BBS9: variants seen among roughly 807,000 people sequenced by gnomAD.
BBS9 encodes the protein protein PTHB1.
BBS9 carries 89 observed loss-of-function variants against 117.7 expected under a neutral mutation model. The observed-to-expected ratio is 0.76, with a 90% CI of 0.64 to 0.90. The LOEUF is 0.90. Among genes scored for constraint, BBS9 ranks in the 40% least tolerant of loss-of-function variants. The pLI, the probability that BBS9 is intolerant of heterozygous loss-of-function variation, is 0.00. For missense variants in BBS9, 982 were observed against 1,042.2 expected (o/e 0.94, Z 0.80); for synonymous variants, 379 against 370.9 (o/e 1.02, Z -0.25).
chr7:33,631,992 G>A (rs1341186584), intron 21 of BBS9, among the ~76,000 whole-genome samples: 3 of 152,164 alleles, frequency 2.0e-5, no homozygotes, highest in African/African-American at 7.2e-5. Flanking sequence ...TCACAGAAAG[G>A]TATTGTATTT....
intron 19 of BBS9, among the ~76,000 whole-genome samples, chr7:33,432,141 GTGGTGCGATCTCGTCTCACTGCAA>G (rs1194158477): frequency 5.3e-5 from 8 of 149,652 alleles, no homozygotes; most frequent in African/African-American, 2.0e-4. Context: ...CTGGAGTGCA[GTGGTGCGATCTCGTCTCACTGCAA>G]TGGTGCGATC....
chr7:33,341,796 T>C (rs1322957301), intron 11 of BBS9, among the ~76,000 whole-genome samples: 4 of 152,128 alleles, frequency 2.6e-5, no homozygotes, highest in Non-Finnish European at 5.9e-5. Flanking sequence ...ATAGAAAGGA[T>C]GAAAGGAGGA....
rs113248007 is a variant in BBS9 at position 33,545,816 on chromosome 7, T to G, written c.2521+11640T>G. Among the ~76,000 whole-genome samples, 1,457 of 152,106 alleles carry G rather than the reference T, an allele frequency of 9.6e-3. 23 individuals are homozygous for G. Among genetic ancestry groups the G allele is most frequent in the African/African-American group, 0.033 (1,377 of 41,506 alleles). On this transcript the variant is annotated intron_variant, in intron 21 of 22. Transcript: ENST00000242067. The stretch of plus-strand genomic sequence containing the variant: ...TAAATGTTTGTATATGTGTATACAC[T>G]CACTACGTATGTGTTTGTATGCATA...
intron 4 of BBS9, among the ~76,000 whole-genome samples, chr7:33,172,613 C>T (rs999308506): frequency 1.1e-4 from 17 of 152,200 alleles, no homozygotes; most frequent in African/African-American, 3.9e-4. Flanking sequence ...CACACATGGA[C>T]ATGAAAGATT....
intron 21 of BBS9, among the ~76,000 whole-genome samples, chr7:33,614,086 T>G (rs1390033180): frequency 6.6e-6 from 1 of 151,982 alleles, no homozygotes; most frequent in Non-Finnish European, 1.5e-5. Context: ...TCCTGAGAGG[T>G]CAGCCTGTGC....
chr7:33,409,969 A>T (rs887849184), intron 19 of BBS9, among the ~76,000 whole-genome samples: 3 of 151,536 alleles, frequency 2.0e-5, no homozygotes, highest in Non-Finnish European at 2.9e-5. Context: ...GTTATCTGTG[A>T]TCTCTTCTGC....
At chr7:33,543,394 C>T (rs932638462) in intron 21 of BBS9, among the ~76,000 whole-genome samples, 4 of 151,862 alleles carry the variant, frequency 2.6e-5, no homozygotes, top group Admixed American at 6.6e-5. Context: ...AGATTTTCTC[C>T]CACTCTGTGG....
intron 21 of BBS9, among the ~76,000 whole-genome samples, chr7:33,587,060 A>G (rs1297900514): frequency 6.6e-6 from 1 of 152,074 alleles, no homozygotes; most frequent in Non-Finnish European, 1.5e-5. Context: ...TTGGGAACAA[A>G]AAAGGTGCAG....
At chr7:33,147,921 A>G (rs1364016424) in intron 2 of BBS9, among the ~76,000 whole-genome samples, 2 of 148,596 alleles carry the variant, frequency 1.3e-5, no homozygotes. Context: ...AACACTCATC[A>G]TTGTGTTCCA....
chr7:33,348,951 A>C, intron 12 of BBS9, 117 bp from the exon 13 acceptor site: 1 of 731,560 alleles, frequency 1.4e-6, no homozygotes, highest in South Asian at 1.5e-5. Flanking sequence ...GTGACTACTC[A>C]TTTTTTCCTC....
chr7:33,621,052 A>C (rs1289786898), intron 21 of BBS9, among the ~76,000 whole-genome samples: 1 of 152,180 alleles, frequency 6.6e-6, no homozygotes, highest in African/African-American at 2.4e-5. Context: ...CCCTTATCTC[A>C]CATCATATAC....
chr7:33,414,751 T>C (rs781212142), intron 19 of BBS9, among the ~76,000 whole-genome samples: 7 of 152,222 alleles, frequency 4.6e-5, no homozygotes, highest in Non-Finnish European at 1.0e-4. Flanking sequence ...TGAACACTTC[T>C]GGAGGTAAAG....
intron 5 of BBS9, among the ~76,000 whole-genome samples, chr7:33,181,763 A>G (rs1259477648): frequency 6.6e-6 from 1 of 152,198 alleles, no homozygotes; most frequent in East Asian, 1.9e-4. Context: ...AACTTGTTCA[A>G]ACCTTTGGCT....
At chr7:33,174,433 G>T (rs1164090689) in intron 4 of BBS9, among the ~76,000 whole-genome samples, 3 of 152,204 alleles carry the variant, frequency 2.0e-5, no homozygotes, top group Non-Finnish European at 2.9e-5. Context: ...TCTTGAGCCA[G>T]AGTAGGCTCA....
At chr7:33,548,970 G>A (rs12673772) in intron 21 of BBS9, among the ~76,000 whole-genome samples, 74,365 of 150,338 alleles carry the variant, frequency 0.49, 18,973 homozygotes, top group South Asian at 0.61. Flanking sequence ...CATCACCAAG[G>A]CAATCCTAAG....
chr7:33,324,493 T>A (rs1011041432), intron 9 of BBS9, among the ~76,000 whole-genome samples: 2 of 152,348 alleles, frequency 1.3e-5, no homozygotes, highest in East Asian at 3.9e-4. Flanking sequence ...CTCAAGATAG[T>A]TTACACACCA....
chr7:33,498,052 C>T (rs1308343550), intron 19 of BBS9, among the ~76,000 whole-genome samples: 2 of 151,986 alleles, frequency 1.3e-5, no homozygotes, highest in Non-Finnish European at 2.9e-5. Context: ...TAGCTTTTAC[C>T]GAGTATTGTT....
At chr7:33,431,431 C>G (rs1834441577) in intron 19 of BBS9, among the ~76,000 whole-genome samples, 1 of 152,000 alleles carries the variant, frequency 6.6e-6, no homozygotes, top group Non-Finnish European at 1.5e-5. Context: ...CCCACCAACC[C>G]CAAATTCATA....
At chr7:33,602,760 G>T (rs936760733) in intron 21 of BBS9, among the ~76,000 whole-genome samples, 8 of 152,054 alleles carry the variant, frequency 5.3e-5, no homozygotes, top group African/African-American at 1.9e-4. Flanking sequence ...AGAAAGGTGG[G>T]TGGCATTCCC....
Sources: gnomAD v4.1 joint callset for allele counts (sites outside exome capture counted in the v4.1 genomes callset) on GRCh38, gnomAD v4.1.1 for gene constraint, MANE v1.5 for transcripts, NCBI Gene and HGNC (gene_info 2026-07-23, HGNC 2026-07-21) for gene names.